The following LRRIQ1 variants were observed in gnomAD, a reference collection of about 807,000 sequenced individuals.
The protein encoded by LRRIQ1 is leucine-rich repeat- and IQ domain-containing protein 1.
LRRIQ1 carries 210 observed loss-of-function variants against 211.9 expected under a neutral mutation model. The ratio of observed to expected loss-of-function variants is 0.99; its 90% CI spans 0.89 to 1.11. The LOEUF (loss-of-function observed/expected upper bound fraction) is 1.11, where lower values mean the gene tolerates loss of function less well. Ranked by LOEUF, LRRIQ1 falls within the 50% of genes most tolerant of loss-of-function variation. LRRIQ1 has a pLI of 0.00. For synonymous variants in LRRIQ1, 699 were observed against 650.1 expected (o/e 1.08, Z -1.14); for missense variants, 2,136 against 1,939.5 (o/e 1.10, Z -1.90).
At chr12:85,147,059 G>T (rs1477618086) in intron 19 of LRRIQ1, among the ~76,000 whole-genome samples, 1 of 151,800 alleles carries the variant, frequency 6.6e-6, no homozygotes, top group Admixed American at 6.6e-5. Flanking sequence ...AGGTGATAGA[G>T]GTAGGCGCAG....
At chr12:85,041,125 C>G (rs1168745000) in intron 3 of LRRIQ1, among the ~76,000 whole-genome samples, 1 of 151,354 alleles carries the variant, frequency 6.6e-6, no homozygotes, top group Non-Finnish European at 1.5e-5. Context: ...ACTAATAAAC[C>G]TATTTTTAAA....
At chr12:85,262,275 C>CACTT (rs1313716332) in intron 1 of LRRIQ1, among the ~76,000 whole-genome samples, 1 of 152,008 alleles carries the variant, frequency 6.6e-6, no homozygotes, top group Non-Finnish European at 1.5e-5. Flanking sequence ...ATCTTACTAC[C>CACTT]ACTTACAACA....
chr12:85,212,291 A>C (rs1893871686), intron 24 of LRRIQ1, among the ~76,000 whole-genome samples: 1 of 152,128 alleles, frequency 6.6e-6, no homozygotes, highest in Non-Finnish European at 1.5e-5. Context: ...CTGTCTCAAA[A>C]AAACAAACAA....
At position 85,257,279 on chromosome 12, in the gene LRRIQ1, C is replaced by T. The variant is rs183997251; in HGVS notation, c.122-5636C>T. Among the ~76,000 whole-genome samples the T allele has an allele frequency of 4.0e-3, 406 of 100,412 alleles. 4 individuals carry two copies. Among genetic ancestry groups the T allele is most frequent in the African/African-American group, 0.014 (372 of 27,236 alleles). The allele number at this position is 100,412 out of a possible 152,430, so 65.9% of individuals were successfully genotyped here. On this transcript the variant is annotated intron_variant, in intron 1 of 1. Coordinates refer to the LRRIQ1 transcript ENST00000602731. ...AAAAAAAGATGCTCTCAACTATAAG[C>T]GTCACTTATGCCATTGTTCTTTAAT...
At chr12:85,072,429 T>G (rs1883186230) in intron 10 of LRRIQ1, among the ~76,000 whole-genome samples, 1 of 151,996 alleles carries the variant, frequency 6.6e-6, no homozygotes, top group Non-Finnish European at 1.5e-5. Context: ...TTTGCATGTG[T>G]AAGATCTACC....
chr12:85,269,243 G>A (rs1896484864), downstream of LRRIQ1, among the ~76,000 whole-genome samples: 2 of 151,898 alleles, frequency 1.3e-5, no homozygotes, highest in Admixed American at 1.3e-4. Flanking sequence ...AGGCTTCAGG[G>A]TATTTGTATA....
intron 21 of LRRIQ1, 148 bp downstream of exon 21, chr12:85,153,293 G>A: frequency 1.2e-6 from 1 of 840,766 alleles, no homozygotes; most frequent in Non-Finnish European, 1.8e-6. Context: ...TGGTCATGAA[G>A]AGTTTTCAGT....
intron 11 of LRRIQ1, among the ~76,000 whole-genome samples, chr12:85,081,868 A>G (rs1442595401): frequency 1.3e-5 from 2 of 151,138 alleles, no homozygotes. Context: ...CTATAGGTGT[A>G]CACCACCAAG....
At chr12:85,148,564 G>C (rs924285561) in intron 19 of LRRIQ1, among the ~76,000 whole-genome samples, 2 of 151,884 alleles carry the variant, frequency 1.3e-5, no homozygotes, top group African/African-American at 2.4e-5. Flanking sequence ...TGGGCATTTG[G>C]ATTGGTTCCA....
chr12:85,245,110 A>T, downstream of LRRIQ1: 1 of 1,168,012 alleles, frequency 8.6e-7, no homozygotes, highest in Non-Finnish European at 1.1e-6. Flanking sequence ...AATTAACTGC[A>T]TCAGTTTTTA....
At chr12:85,217,700 ATATATGTG>A (rs1565910217) in intron 24 of LRRIQ1, among the ~76,000 whole-genome samples, 16 of 133,368 alleles carry the variant, frequency 1.2e-4, no homozygotes, top group African/African-American at 5.3e-4. Flanking sequence ...GTATATATGT[ATATATGTG>A]TGTGTATATA....
chr12:85,074,441 T>G (rs924833552), intron 11 of LRRIQ1, among the ~76,000 whole-genome samples: 5 of 152,054 alleles, frequency 3.3e-5, no homozygotes, highest in African/African-American at 1.2e-4. Flanking sequence ...CCTTTGTTTC[T>G]ACAAACAAAT....
At chr12:85,084,713 G>T (rs530233070) in intron 11 of LRRIQ1, among the ~76,000 whole-genome samples, 2 of 151,938 alleles carry the variant, frequency 1.3e-5, no homozygotes, top group Admixed American at 1.3e-4. Flanking sequence ...ATCACCTGAC[G>T]TCAGGAGTTC....
At chr12:85,097,470 C>T (rs1479218585) in intron 11 of LRRIQ1, among the ~76,000 whole-genome samples, 3 of 150,962 alleles carry the variant, frequency 2.0e-5, no homozygotes, top group Non-Finnish European at 4.4e-5. Flanking sequence ...CAAGTGTTCT[C>T]ATTGTTCAAT....
In LRRIQ1 at chr12:85,153,604, T is replaced by C. The variant is rs1221883206; in HGVS notation, c.4542-59T>C. The C allele has an allele frequency of 3.7e-6, 4 of 1,082,572 alleles. No individual in the cohort carries two copies. The African/African-American group carries it at 6.6e-5, about 18-fold the overall frequency. The allele number at this position is 1,082,572 out of a possible 1,614,324, so 67.1% of individuals were successfully genotyped here. On this transcript the variant is annotated intron_variant, in intron 21 of 26. Transcript: ENST00000393217. ...AGACAACATAAACAGTTTGTAGTTT[T>C]AAAAAGTGCTGATATACTTGTGTTG...
intron 13 of LRRIQ1, among the ~76,000 whole-genome samples, chr12:85,102,956 A>AT (rs1565834129): frequency 2.5e-3 from 311 of 123,262 alleles, no homozygotes; most frequent in African/African-American, 8.2e-3. Flanking sequence ...AAAAAAAAAA[A>AT]AAAATATATA....
intron 11 of LRRIQ1, among the ~76,000 whole-genome samples, chr12:85,084,889 G>T (rs896770022): frequency 2.0e-5 from 3 of 150,676 alleles, no homozygotes; most frequent in Non-Finnish European, 1.5e-5. Context: ...TCGCGCCACT[G>T]CACTCCAGCC....
At chr12:85,214,527 C>G (rs1262298551) in intron 24 of LRRIQ1, among the ~76,000 whole-genome samples, 1 of 151,960 alleles carries the variant, frequency 6.6e-6, no homozygotes, top group East Asian at 1.9e-4. Context: ...GGTGGATAGA[C>G]AGGGTAGGGA....
intron 8 of LRRIQ1, among the ~76,000 whole-genome samples, chr12:85,058,731 A>G (rs1454044111): frequency 6.6e-6 from 1 of 152,020 alleles, no homozygotes; most frequent in Non-Finnish European, 1.5e-5. Context: ...AACTATTAAA[A>G]TCTATAGAAT....
Sources: gnomAD v4.1 joint callset for allele counts (sites outside exome capture counted in the v4.1 genomes callset) on GRCh38, gnomAD v4.1.1 for gene constraint, MANE v1.5 for transcripts, NCBI Gene and HGNC (gene_info 2026-07-23, HGNC 2026-07-21) for gene names.